The following TJP2 variants were observed in gnomAD, a reference collection of about 807,000 sequenced individuals.
The protein encoded by TJP2 is tight junction protein 2.
In TJP2, 91 loss-of-function variants were observed where a neutral mutation model predicts 133.1. That is an observed-to-expected ratio of 0.68 (90% confidence interval 0.58 to 0.81). The LOEUF (loss-of-function observed/expected upper bound fraction) is 0.81. Ranked by LOEUF, TJP2 falls within the 40% of genes least tolerant of loss-of-function variation. The pLI, the probability that TJP2 is intolerant of heterozygous loss-of-function variation, is 0.00. For missense variants in TJP2, 1,541 were observed against 1,565.6 expected (o/e 0.98, Z 0.26); for synonymous variants, 592 against 583.4 (o/e 1.01, Z -0.21).
Position 69,220,874 on chromosome 9 carries a change from G to T in TJP2, c.343-13G>T, listed in dbSNP as rs757985385. The T allele has an allele frequency of 2.5e-6, 4 of 1,611,794 alleles. No homozygotes were observed. In the Admixed American group the frequency reaches 6.7e-5, roughly 27 times the overall value. On this transcript the variant is annotated splice_polypyrimidine_tract_variant and intron_variant, in intron 4 of 22. Coordinates refer to ENST00000377245, the MANE Select transcript of TJP2 (RefSeq NM_004817.4). ...ATTGTCCTGCGTCCACACTGAGTTT[G>T]TTTTGACAACAGGTGGTCAAGAGGC...
At chr9:69,121,663 C>T (rs1822147116) in exon 1 of TJP2, 1 of 153,224 alleles carries the variant, frequency 6.5e-6, no homozygotes, top group South Asian at 2.0e-4. Flanking sequence ...CCCGGAGAGC[C>T]GCCTTCGCCC....
At chr9:69,238,670 T>G (rs375821419) in intron 15 of TJP2, 40 bp from the exon 16 acceptor site, 1 of 1,556,602 alleles carries the variant, frequency 6.4e-7, no homozygotes. Flanking sequence ...TGTCACTGTT[T>G]TCTAAACAAT....
At position 69,238,727 on chromosome 9, in the gene TJP2, G is replaced by T; in HGVS notation, c.2293G>T (p.Ala765Ser). 6.2e-7 allele frequency: 1 copy of T among 1,613,898 alleles called. No homozygotes were observed. The highest frequency in any genetic ancestry group is 8.5e-7 in the Non-Finnish European group (1 of 1,179,872). The change falls in exon 16 of 23, where the codon GCA becomes TCA. Residue 765 changes from alanine to serine, a missense_variant. By Grantham distance (99) the Ala-to-Ser change is moderately conservative. Transcript: ENST00000377245. Reference sequence around the variant, plus strand: ...TTTTGCAGAAACGGAACCAAAAGATGCAGGATCTGAGAAATCCACTGGAGT... The same window carrying T: ...TTTTGCAGAAACGGAACCAAAAGATTCAGGATCTGAGAAATCCACTGGAGT... ...FQTAKTEPKDAGSEKSTGVVR... is the reference protein window; with the variant it reads ...FQTAKTEPKDSGSEKSTGVVR...
rs1338346800 is a variant in TJP2, at chr9:69,163,316, C to T, written c.-10+11545C>T. The stretch of plus-strand genomic sequence containing the variant: ...TGCTGGGATTACAGGCGTGAGCCAC[C>T]GCGCCCGGCCTCAGTATCTTTATTT... On this transcript the variant is annotated intron_variant, in intron 2 of 5. Transcript: ENST00000423935. Among the ~76,000 whole-genome samples, 14 of 43,522 alleles carry T rather than the reference C, an allele frequency of 3.2e-4. 6 individuals carry two copies. The East Asian group carries it at 0.019, about 60-fold the overall frequency. 28.6% of individuals were successfully genotyped at this position (43,522 alleles called of 152,430 possible). A position where few individuals can be genotyped will look rare whatever the true frequency, so the allele number is the denominator to read the frequency against.
chr9:69,141,280 G>A (rs531829545), intron 1 of TJP2, among the ~76,000 whole-genome samples: 1 of 152,290 alleles, frequency 6.6e-6, no homozygotes, highest in African/African-American at 2.4e-5. Flanking sequence ...CAGTAGCAGG[G>A]GTTAAAAATC....
intron 16 of TJP2, among the ~76,000 whole-genome samples, chr9:69,239,170 C>CAA (rs1554666299): frequency 1.3e-5 from 2 of 148,812 alleles, no homozygotes; most frequent in Non-Finnish European, 3.0e-5. Flanking sequence ...GCCTGGGCGA[C>CAA]GAGTGAAACT....
At chr9:69,137,239 TTCTCTC>T (rs147892355) in intron 1 of TJP2, among the ~76,000 whole-genome samples, 31,806 of 89,308 alleles carry the variant, frequency 0.36, 6,052 homozygotes, top group Middle Eastern at 0.4. Context: ...CTTTCTTTCT[TTCTCTC>T]TCTCTTTCTT....
intron 1 of TJP2, among the ~76,000 whole-genome samples, chr9:69,140,425 C>T (rs1242019449): frequency 1.3e-5 from 2 of 152,192 alleles, no homozygotes. Flanking sequence ...CAATCTCAGG[C>T]AGTGTGGCCC....
chr9:69,194,130 TGCCTCTATAA>T (rs1182176418), intron 1 of TJP2, among the ~76,000 whole-genome samples: 1 of 152,218 alleles, frequency 6.6e-6, no homozygotes, highest in Non-Finnish European at 1.5e-5. Context: ...TTTTGTCATG[TGCCTCTATAA>T]GGAATTCACA....
At chr9:69,252,104 C>T (rs1831379891) in intron 21 of TJP2, among the ~76,000 whole-genome samples, 1 of 152,124 alleles carries the variant, frequency 6.6e-6, no homozygotes, top group Non-Finnish European at 1.5e-5. Context: ...AGGAGATACT[C>T]CCACCTCAGC....
chr9:69,217,177 G>C (rs543330436), intron 3 of TJP2, among the ~76,000 whole-genome samples: 2 of 151,936 alleles, frequency 1.3e-5, no homozygotes, highest in African/African-American at 2.4e-5. Context: ...TTTTAGTAGA[G>C]ACGGGTTTTC....
intron 17 of TJP2, among the ~76,000 whole-genome samples, chr9:69,240,613 C>T (rs1200897249): frequency 6.6e-6 from 1 of 152,200 alleles, no homozygotes; most frequent in Non-Finnish European, 1.5e-5. Flanking sequence ...AGGAGGATCA[C>T]TTGAGCCCAG....
intron 1 of TJP2, among the ~76,000 whole-genome samples, chr9:69,136,078 T>C (rs7030890): frequency 0.91 from 137,757 of 152,036 alleles, 62,525 homozygotes; most frequent in East Asian, 1. Context: ...CTCAAAGAGA[T>C]ATTATTTCTT....
chr9:69,163,229 C>G (rs1824179742), intron 2 of TJP2, among the ~76,000 whole-genome samples: 1 of 59,712 alleles, frequency 1.7e-5, no homozygotes, highest in African/African-American at 6.5e-5. Flanking sequence ...GGGTTTCACC[C>G]TTTTAGCCGG....
At position 69,174,279 on chromosome 9, in the gene TJP2, A is replaced by G. The variant is rs1824882213; in HGVS notation, c.-94A>G. The G allele has an allele frequency of 6.5e-7, 1 of 1,546,300 alleles. No homozygotes were observed. Among genetic ancestry groups the G allele is most frequent in the Admixed American group, 2.0e-5 (1 of 50,868 alleles). On this transcript the variant is annotated 5_prime_UTR_variant, in exon 1 of 23. Transcript: ENST00000377245. ...CCCCGGCGGTTGGGCTGCGGGTCAG[A>G]GCACTGTCCGGTGGTGCCCAGGAGG...
intron 1 of TJP2, among the ~76,000 whole-genome samples, chr9:69,205,559 A>G (rs1442341675): frequency 2.0e-5 from 3 of 152,140 alleles, no homozygotes; most frequent in Admixed American, 1.3e-4. Flanking sequence ...GTGTTTGTTC[A>G]TGTTTGAGAA....
At chr9:69,253,089 T>G (rs949886283) in intron 22 of TJP2, 189 bp downstream of exon 22, 2 of 621,726 alleles carry the variant, frequency 3.2e-6, no homozygotes, top group Admixed American at 5.8e-5. Context: ...AAGCATAGTT[T>G]GCTTGTGTGC....
chr9:69,205,284 G>C, intron 1 of TJP2: 2 of 1,537,042 alleles, frequency 1.3e-6, no homozygotes, highest in South Asian at 2.4e-5. Flanking sequence ...TTTCTTCATG[G>C]GAAGGGGAGG....
chr9:69,175,511 G>T (rs1390575712), intron 1 of TJP2, among the ~76,000 whole-genome samples: 1 of 152,218 alleles, frequency 6.6e-6, no homozygotes, highest in African/African-American at 2.4e-5. Context: ...TGAGAAATTC[G>T]TAGTGGTAAA....
Sources: allele counts gnomAD v4.1 joint callset (sites outside exome capture counted in the v4.1 genomes callset), GRCh38; gene constraint gnomAD v4.1.1; transcripts MANE v1.5; gene names NCBI Gene and HGNC (gene_info 2026-07-23, HGNC 2026-07-21).